The following PHF7 variants were observed in gnomAD, a reference collection of about 807,000 sequenced individuals.
PHF7 encodes the protein E3 ubiquitin-protein ligase PHF7.
A neutral mutation model predicts 47.5 loss-of-function variants in PHF7; 24 were observed. The ratio of observed to expected loss-of-function variants is 0.51; its 90% CI spans 0.37 to 0.71. The LOEUF (loss-of-function observed/expected upper bound fraction) is 0.71, where lower values mean the gene tolerates loss of function less well. PHF7 is among the 30% of genes least tolerant of loss of function. PHF7 has a pLI of 0.00. For missense variants in PHF7, 361 were observed against 456.8 expected, an observed-to-expected ratio of 0.79 and a Z score of 1.91; for synonymous variants, 156 against 153.8, an observed-to-expected ratio of 1.01 and a Z score of -0.11.
chr3:52,415,744 G>A (rs535231499), intron 4 of PHF7, among the ~76,000 whole-genome samples: 1 of 152,164 alleles, frequency 6.6e-6, no homozygotes, highest in East Asian at 1.9e-4. Flanking sequence ...GGTAGTATTC[G>A]GTTGCATGAA....
At chr3:52,416,236 A>G (rs577960108) in intron 4 of PHF7, among the ~76,000 whole-genome samples, 396 of 139,396 alleles carry the variant, frequency 2.8e-3, no homozygotes, top group Non-Finnish European at 4.8e-3. Flanking sequence ...CCCAGGCTGG[A>G]GTGCAGTGGT....
rs1335432561 is a variant in PHF7 at position 52,423,146 on chromosome 3, T to G, written c.975T>G (p.Pro325=). Residue 325 remains proline, a synonymous_variant, in exon 11 of 11, where the codon CCT becomes CCG. Transcript: ENST00000327906. ...CTTGCTGCAGCAGCACCTTCCACCC[T>G]GAGGAACATTTCTGCAGAGACAACA... ...DIPCCSSTFH[P]EEHFCRDNTL... 4 of 1,613,932 alleles carry G rather than the reference T, an allele frequency of 2.5e-6. No individual in the cohort carries two copies. The highest frequency in any genetic ancestry group is 3.4e-6 in the Non-Finnish European group (4 of 1,179,932).
intron 4 of PHF7, among the ~76,000 whole-genome samples, chr3:52,415,976 G>A (rs755339521): frequency 3.9e-5 from 6 of 152,144 alleles, no homozygotes; most frequent in Non-Finnish European, 8.8e-5. Context: ...GTCCAAAGCG[G>A]TTGTACCAGC....
intron 1 of PHF7, among the ~76,000 whole-genome samples, chr3:52,412,148 T>C (rs765131857): frequency 6.6e-6 from 1 of 151,738 alleles, no homozygotes; most frequent in South Asian, 2.1e-4. Context: ...AGTGGCACTT[T>C]CATGCACTCA....
chr3:52,412,410 G>T (rs777860567), intron 1 of PHF7, among the ~76,000 whole-genome samples: 2 of 152,120 alleles, frequency 1.3e-5, no homozygotes, highest in African/African-American at 4.8e-5. Flanking sequence ...GCTACTTCAC[G>T]TATTTTTTTG....
rs1578242929 is a variant in PHF7 at position 52,418,306 on chromosome 3, T to G, written c.187-1527T>G. ...GCATATACATTTTTTACATAAAAAT[T>G]AAACATTATACAGAGTGCTTTGTAT... On this transcript the variant is annotated intron_variant, in intron 4 of 10. Coordinates refer to ENST00000327906, the MANE Select transcript of PHF7 (RefSeq NM_016483.7). Among the ~76,000 whole-genome samples, 4 of 152,348 alleles carry G rather than the reference T, an allele frequency of 2.6e-5. No individual in the cohort carries two copies. The Middle Eastern group carries it at 0.01, about 389-fold the overall frequency.
At position 52,410,968 on chromosome 3, in the gene PHF7, A is replaced by G. The variant is rs1705406967; in HGVS notation, c.-349A>G. On this transcript the variant is annotated 5_prime_UTR_variant, in exon 1 of 11. Coordinates refer to ENST00000327906, the MANE Select transcript of PHF7 (RefSeq NM_016483.7). ...GACCACACCGACACGTATTTTACAGATAAATCATTCTTGCGGCGGCGGGTC... is the reference window on the plus strand; with the variant it reads ...GACCACACCGACACGTATTTTACAGGTAAATCATTCTTGCGGCGGCGGGTC... 1 of 152,270 alleles carries G rather than the reference A, an allele frequency of 6.6e-6. No homozygotes were observed. The highest frequency in any genetic ancestry group is 2.4e-5 in the African/African-American group (1 of 41,468). The allele number at this position is 152,270 out of a possible 1,614,324, so 9.4% of individuals were successfully genotyped here.
At chr3:52,414,199 A>G (rs887811593) in intron 3 of PHF7, 151 bp downstream of exon 3, 9 of 623,754 alleles carry the variant, frequency 1.4e-5, no homozygotes, top group Admixed American at 9.5e-5. Context: ...AGGAACTGCC[A>G]TTTTAAATTA....
Position 52,421,037 on chromosome 3 carries a change from C to T in PHF7, c.548C>T (p.Ala183Val). The T allele has an allele frequency of 6.2e-7, 1 of 1,612,116 alleles. No individual in the cohort carries two copies. Among genetic ancestry groups the T allele is most frequent in the Non-Finnish European group, 8.5e-7 (1 of 1,179,100 alleles). Residue 183 changes from alanine (A) to valine (V), a missense_variant, in exon 7 of 11, where the codon GCC becomes GTC. By Grantham distance (64) the Ala-to-Val change is moderately conservative (BLOSUM62 0). Transcript: ENST00000327906. ...ENIQSPCCSQ[A>V]IYHRKCIQKY... The stretch of plus-strand genomic sequence containing the variant: ...ATCCAGAGCCCGTGTTGTAGTCAAG[C>T]CATCTACCACCGCAAGTGCATACAG...
chr3:52,418,636 A>G (rs1250663591), intron 4 of PHF7, among the ~76,000 whole-genome samples: 1 of 152,072 alleles, frequency 6.6e-6, no homozygotes, highest in African/African-American at 2.4e-5. Context: ...CTCTGTACTA[A>G]GAGGTGATGC....
At chr3:52,413,897 C>T (rs773147037) in intron 2 of PHF7, 99 bp from the exon 3 acceptor site, 4 of 781,670 alleles carry the variant, frequency 5.1e-6, no homozygotes, top group Non-Finnish European at 9.0e-6. Flanking sequence ...TATGTTGGTC[C>T]TTCATCAGAC....
Position 52,412,294 on chromosome 3 carries a change from A to G in PHF7, c.-69-517A>G, listed in dbSNP as rs560295611. Among the ~76,000 whole-genome samples the G allele has an allele frequency of 1.3e-4, 20 of 152,226 alleles. No homozygotes were observed. In the South Asian group the frequency reaches 4.2e-3, roughly 32 times the overall value. On this transcript the variant is annotated intron_variant, in intron 1 of 10. Transcript: ENST00000327906. ...GAGTTCTTGCTTTTAGGCAGCCCAAATCTCACAGGCTCCTTTGCTTAGGAA... is the reference window on the plus strand; with the variant it reads ...GAGTTCTTGCTTTTAGGCAGCCCAAGTCTCACAGGCTCCTTTGCTTAGGAA...
Position 52,414,017 on chromosome 3 carries a change from G to C in PHF7, c.63G>C (p.Arg21Ser). The stretch of plus-strand genomic sequence containing the variant: ...ATAGAAAATCTGCCAAGACTAGGAG[G>C]GTAACCCAGAGGAAACCGTCTTCAG... ...QRLRKSAKTR[R>S]VTQRKPSSGP... is the part of the protein sequence containing the mutation. Residue 21 changes from arginine to serine, a missense_variant, in exon 3 of 11, where the codon AGG becomes AGC. Physicochemically the swap from Arg to Ser is moderately radical, Grantham distance 110 (BLOSUM62 -1). Coordinates refer to ENST00000327906, the MANE Select transcript of PHF7 (RefSeq NM_016483.7). The C allele has an allele frequency of 6.2e-7, 1 of 1,611,340 alleles. No homozygotes were observed. The highest frequency in any genetic ancestry group is 1.1e-5 in the South Asian group (1 of 90,998).
At chr3:52,412,962 A>G (rs768859055) in intron 2 of PHF7, 42 bp downstream of exon 2, 36 of 1,506,228 alleles carry the variant, frequency 2.4e-5, no homozygotes, top group Admixed American at 1.2e-4. Context: ...AAATTGTCCA[A>G]TGGCCTGTGG....
intron 1 of PHF7, among the ~76,000 whole-genome samples, chr3:52,412,142 G>A (rs1327451645): frequency 6.6e-6 from 1 of 151,804 alleles, no homozygotes; most frequent in African/African-American, 2.4e-5. Flanking sequence ...TAGGAAAGTG[G>A]CACTTTCATG....
rs780757232 is a variant in PHF7 at position 52,414,305 on chromosome 3, A to T, written c.95-191A>T. Among the ~76,000 whole-genome samples, 71 of 152,340 alleles carry T rather than the reference A, an allele frequency of 4.7e-4. No individual in the cohort carries two copies. The highest frequency in any genetic ancestry group is 1.3e-3 in the African/African-American group (52 of 41,578). On this transcript the variant is annotated intron_variant, in intron 3 of 10. Coordinates refer to ENST00000327906, the MANE Select transcript of PHF7 (RefSeq NM_016483.7). Reference sequence around the variant, plus strand: ...GTGAGCAGTTGTGGCCAACTTTTTCATTGTAACCAGAATTATGTGACAGAC... The same window carrying T: ...GTGAGCAGTTGTGGCCAACTTTTTCTTTGTAACCAGAATTATGTGACAGAC...
chr3:52,420,485 C>G (rs746984761), intron 6 of PHF7, 50 bp downstream of exon 6: 13 of 1,589,958 alleles, frequency 8.2e-6, no homozygotes, highest in Non-Finnish European at 1.1e-5. Flanking sequence ...ACTTATTATT[C>G]AGCCACTAAT....
In PHF7 at chr3:52,412,824, T is replaced by C. The variant is rs1705492879; in HGVS notation, c.-56T>C. On this transcript the variant is annotated 5_prime_UTR_variant, in exon 2 of 11. Coordinates refer to ENST00000327906, the MANE Select transcript of PHF7 (RefSeq NM_016483.7). ...TTATATTTATAGCTGGAAGAGCCTG[T>C]ATTGTCCTCACAATAGTATAGAAGA... 3.0e-6 allele frequency: 4 copies of C among 1,344,704 alleles called. No individual in the cohort carries two copies. Among genetic ancestry groups the C allele is most frequent in the East Asian group, 4.7e-5 (2 of 42,216 alleles). The allele number at this position is 1,344,704 out of a possible 1,614,324, so 83.3% of individuals were successfully genotyped here. A position where few individuals can be genotyped will look rare whatever the true frequency, so the allele number is the denominator to read the frequency against.
chr3:52,413,728 G>A (rs750665098), intron 2 of PHF7, among the ~76,000 whole-genome samples: 4 of 152,096 alleles, frequency 2.6e-5, no homozygotes, highest in Non-Finnish European at 4.4e-5. Flanking sequence ...CCAGCTCCTC[G>A]GGAGGCTGAG....
Sources: allele counts gnomAD v4.1 joint callset (sites outside exome capture counted in the v4.1 genomes callset), GRCh38; gene constraint gnomAD v4.1.1; transcripts MANE v1.5; gene names NCBI Gene and HGNC (gene_info 2026-07-23, HGNC 2026-07-21).